Variants in CNTRL observed in about 807,000 individuals in gnomAD.
CNTRL encodes the protein 110 kDa centrosomal protein.
A neutral mutation model predicts 303.7 loss-of-function variants in CNTRL; 233 were observed. That is an observed-to-expected ratio of 0.77 (90% CI 0.69 to 0.86). CNTRL has a LOEUF of 0.86. Ranked by LOEUF, CNTRL falls within the 40% of genes least tolerant of loss-of-function variation. CNTRL has a pLI of 0.00. For missense variants in CNTRL, 2,524 were observed against 2,650.6 expected, an observed-to-expected ratio of 0.95 and a Z score of 1.05; for synonymous variants, 900 against 922.2, an observed-to-expected ratio of 0.98 and a Z score of 0.44.
chr9:121,079,996 T>A (rs1489256585), intron 1 of CNTRL, among the ~76,000 whole-genome samples: 1 of 152,142 alleles, frequency 6.6e-6, no homozygotes, highest in African/African-American at 2.4e-5. Flanking sequence ...CCCAAGTAGC[T>A]GGGATTACAG....
In CNTRL at chr9:121,175,054, G is replaced by A. The variant is rs766442818; in HGVS notation, c.6784G>A (p.Val2262Ile). 9.3e-6 allele frequency: 15 copies of A among 1,613,822 alleles called. No homozygotes were observed. The highest frequency in any genetic ancestry group is 1.2e-5 in the Non-Finnish European group (14 of 1,179,964). Residue 2262 changes from valine (V) to isoleucine (I), a missense_variant, in exon 43 of 44, where the codon GTA becomes ATA. Transcript: ENST00000373855. The part of the protein sequence containing the change: ...LRHCMSKQAE[V>I]LIKGKRQTEG... ...ACACTGTATGTCCAAGCAAGCAGAA[G>A]TATTAATTAAAGGAAAGCGGCAGAC...
intron 7 of CNTRL, among the ~76,000 whole-genome samples, chr9:121,103,403 A>G (rs2049284331): frequency 6.6e-6 from 1 of 152,228 alleles, no homozygotes; most frequent in African/African-American, 2.4e-5. Flanking sequence ...TTAATTCAAG[A>G]TGGATTAAAG....
chr9:121,119,883 C>T (rs920056930), intron 12 of CNTRL, among the ~76,000 whole-genome samples: 3 of 152,158 alleles, frequency 2.0e-5, no homozygotes, highest in Admixed American at 6.5e-5. Flanking sequence ...AAATTTTCCA[C>T]TGAACGTATT....
chr9:121,161,513 CTGT>C (rs2052853683), intron 32 of CNTRL: 4 of 331,680 alleles, frequency 1.2e-5, no homozygotes, highest in Non-Finnish European at 2.2e-5. Context: ...AAATGTTTGT[CTGT>C]TTATTTATTT....
chr9:121,102,314 A>G (rs141684799), intron 7 of CNTRL, among the ~76,000 whole-genome samples: 27 of 152,330 alleles, frequency 1.8e-4, no homozygotes, highest in African/African-American at 6.3e-4. Flanking sequence ...TATTATCTCA[A>G]TAGATGGAGA....
chr9:121,133,381 C>T lies in CNTRL; in HGVS notation c.2026-2425C>T, dbSNP rs1371196603. ...GCCCCTCCCCCTGCCAGGCTGCTGC[C>T]TCCAAGGTCTATCTCAGACTGCTAC... On this transcript the variant is annotated intron_variant, in intron 14 of 43. Transcript: ENST00000373855. 2.0e-5 allele frequency among the ~76,000 whole-genome samples: 3 copies of T among 152,256 alleles called. No homozygotes were observed. In the East Asian group the frequency reaches 5.8e-4, roughly 29 times the overall value.
chr9:121,150,351 C>A lies in CNTRL; in HGVS notation c.3831C>A (p.Thr1277=). The A allele has an allele frequency of 6.2e-7, 1 of 1,614,210 alleles. No homozygotes were observed. The highest frequency in any genetic ancestry group is 8.5e-7 in the Non-Finnish European group (1 of 1,180,046). The change falls in exon 25 of 44, where the codon ACC becomes ACA. Residue 1277 remains threonine, a synonymous_variant. Coordinates refer to ENST00000373855, the MANE Select transcript of CNTRL (RefSeq NM_007018.6). ...TGCCAAACAATAGCCGACCTCTCAC[C>A]CCTGGCACTGTTGTTTATGGCCCAC... is the stretch of plus-strand genomic sequence containing the variant. ...PPLPNNSRPL[T]PGTVVYGPPP...
At chr9:121,102,460 T>A (rs1266081073) in intron 7 of CNTRL, among the ~76,000 whole-genome samples, 1 of 152,166 alleles carries the variant, frequency 6.6e-6, no homozygotes, top group Non-Finnish European at 1.5e-5. Flanking sequence ...GGGCAAAAAC[T>A]GGAAGCATTC....
In CNTRL at chr9:121,148,661, A is replaced by T. The variant is rs1270480130; in HGVS notation, c.3460-11A>T. 1.2e-6 allele frequency: 2 copies of T among 1,608,592 alleles called. No homozygotes were observed. The highest frequency in any genetic ancestry group is 1.1e-5 in the South Asian group (1 of 90,670). On this transcript the variant is annotated splice_polypyrimidine_tract_variant and intron_variant, in intron 23 of 43. Coordinates refer to ENST00000373855, the MANE Select transcript of CNTRL (RefSeq NM_007018.6). ...ATAATAGATAGTGTGCTCTGCTGTC[A>T]TTTGTTTTAGGTTTCCAGCCATAGT... is the stretch of plus-strand genomic sequence containing the variant.
chr9:121,123,069 C>G (rs551756306), intron 12 of CNTRL, among the ~76,000 whole-genome samples: 22 of 151,972 alleles, frequency 1.4e-4, no homozygotes, highest in South Asian at 6.2e-4. Context: ...TCTAAGAAAC[C>G]TTTTTTAAAA....
intron 14 of CNTRL, among the ~76,000 whole-genome samples, chr9:121,135,158 T>C (rs1418955535): frequency 6.6e-6 from 1 of 152,254 alleles, no homozygotes; most frequent in East Asian, 1.9e-4. Context: ...CATGGTATGC[T>C]AATAAATATG....
intron 7 of CNTRL, among the ~76,000 whole-genome samples, chr9:121,104,694 ATTTTTTTTTTT>A (rs10693661): frequency 1.6e-4 from 15 of 96,450 alleles, no homozygotes; most frequent in African/African-American, 5.0e-4. Context: ...GCCACTGGCA[ATTTTTTTTTTT>A]TTTTTTTTTT....
At chr9:121,145,426 T>C in intron 22 of CNTRL, 41 bp downstream of exon 22, 1 of 1,544,254 alleles carries the variant, frequency 6.5e-7, no homozygotes, top group East Asian at 2.3e-5. Context: ...GGTTTTGTAG[T>C]CATAAAATTA....
At chr9:121,124,140 A>T (rs957947012) in intron 13 of CNTRL, 56 bp downstream of exon 13, 12 of 1,436,314 alleles carry the variant, frequency 8.4e-6, no homozygotes, top group African/African-American at 2.9e-5. Context: ...TAAAAGAAAC[A>T]TTATAAAGAC....
chr9:121,077,926 A>G (rs2047990613), intron 1 of CNTRL, among the ~76,000 whole-genome samples: 3 of 152,208 alleles, frequency 2.0e-5, no homozygotes, highest in Non-Finnish European at 4.4e-5. Context: ...AGCCTGGGTG[A>G]CAGAGAAAGA....
chr9:121,173,792 G>C, intron 42 of CNTRL, 55 bp downstream of exon 42: 1 of 1,516,222 alleles, frequency 6.6e-7, no homozygotes, highest in Non-Finnish European at 9.2e-7. Context: ...ACATTGGGGA[G>C]GGGAGGGGAA....
At chr9:121,112,680 C>T in intron 9 of CNTRL, 102 bp downstream of exon 9, 1 of 1,190,972 alleles carries the variant, frequency 8.4e-7, no homozygotes, top group Non-Finnish European at 1.2e-6. Context: ...GATCAGATAT[C>T]ACTCCACTTT....
At chr9:121,116,569 C>G (rs111365063) in intron 11 of CNTRL, among the ~76,000 whole-genome samples, 6 of 151,958 alleles carry the variant, frequency 3.9e-5, no homozygotes, top group African/African-American at 1.2e-4. Context: ...GCGATCTGCC[C>G]GTCTTGGCCT....
Position 121,150,374 on chromosome 9 carries a change from C to A in CNTRL, c.3854C>A (p.Pro1285Gln). The A allele has an allele frequency of 6.2e-7, 1 of 1,614,168 alleles. No individual in the cohort carries two copies. The highest frequency in any genetic ancestry group is 8.5e-7 in the Non-Finnish European group (1 of 1,180,016). ...PLTPGTVVYG[P>Q]PPAGAPMVYG... ...ACCCCTGGCACTGTTGTTTATGGCC[C>A]ACCTCCTGCTGGGGCCCCCATGGTG... The change falls in exon 25 of 44, where the codon CCA (proline) becomes CAA (glutamine). Residue 1285 changes from proline (P) to glutamine (Q), a missense_variant. By Grantham distance (76) the Pro-to-Gln change is moderately conservative (BLOSUM62 -1). Coordinates refer to ENST00000373855, the MANE Select transcript of CNTRL (RefSeq NM_007018.6).
Sources: gnomAD v4.1 joint callset for allele counts (sites outside exome capture counted in the v4.1 genomes callset) on GRCh38, gnomAD v4.1.1 for gene constraint, MANE v1.5 for transcripts, NCBI Gene and HGNC (gene_info 2026-07-23, HGNC 2026-07-21) for gene names.